Variants in ABCD3 observed in about 807,000 individuals in gnomAD.
ABCD3 encodes ATP binding cassette subfamily D member 3.
ABCD3 carries 41 observed loss-of-function variants against 105.5 expected under a neutral mutation model. The ratio of observed to expected loss-of-function variants is 0.39; its 90% CI spans 0.30 to 0.50. The LOEUF is 0.50. Ranked by LOEUF, ABCD3 falls within the 20% of genes least tolerant of loss-of-function variation. The probability of loss-of-function intolerance (pLI) is 0.84; values close to 1 mark genes in which losing one functional copy is unlikely to be tolerated. For missense variants in ABCD3, 622 were observed against 806.3 expected, an observed-to-expected ratio of 0.77 and a Z score of 2.77; for synonymous variants, 258 against 269.0, an observed-to-expected ratio of 0.96 and a Z score of 0.40.
chr1:94,445,348 T>C (rs1660307065), intron 1 of ABCD3, among the ~76,000 whole-genome samples: 1 of 151,898 alleles, frequency 6.6e-6, no homozygotes, highest in African/African-American at 2.4e-5. Context: ...GTCGCTGGAG[T>C]GATGGTTGGA....
At chr1:94,508,659 T>C (rs946720558) in intron 21 of ABCD3, among the ~76,000 whole-genome samples, 1 of 149,930 alleles carries the variant, frequency 6.7e-6, no homozygotes, top group South Asian at 2.1e-4. Context: ...GTATCCTCTT[T>C]TATTTCCTTG....
intron 1 of ABCD3, among the ~76,000 whole-genome samples, chr1:94,425,948 C>T (rs1466633710): frequency 6.6e-6 from 1 of 152,138 alleles, no homozygotes; most frequent in Non-Finnish European, 1.5e-5. Context: ...CTCTTTGAAC[C>T]TCAGTAGAAC....
the ABCD3 span, among the ~76,000 whole-genome samples, chr1:94,396,150 A>G: frequency 2.0e-5 from 3 of 152,180 alleles, no homozygotes; most frequent in African/African-American, 4.8e-5. Flanking sequence ...ATAGATTCCA[A>G]TAGAACCCCA....
At chr1:94,468,112 A>T (rs765281388) in intron 4 of ABCD3, 105 bp downstream of exon 4, 8 of 854,740 alleles carry the variant, frequency 9.4e-6, no homozygotes, top group Non-Finnish European at 1.6e-5. Flanking sequence ...TAGGTAAAAG[A>T]TAACCCAAGT....
At chr1:94,501,384 T>C (rs571853702) in intron 20 of ABCD3, among the ~76,000 whole-genome samples, 9 of 152,084 alleles carry the variant, frequency 5.9e-5, no homozygotes, top group Non-Finnish European at 1.0e-4. Context: ...GTCTAGAGAA[T>C]TGAATGTGAT....
Position 94,428,069 on chromosome 1 carries a change from G to GTT in ABCD3, c.110+9484_110+9485dup, listed in dbSNP as rs199615252. On this transcript the variant is annotated intron_variant, in intron 1 of 22. Transcript: ENST00000370214. Reference sequence around the variant, plus strand: ...GTAAAATAGGAGTATGCTAAAAGGTGTTTTGTTTTTTTTTTTATTTTTTAT... The same window carrying GTT: ...GTAAAATAGGAGTATGCTAAAAGGTGTTTTTTGTTTTTTTTTTTATTTTTTAT... Among the ~76,000 whole-genome samples, 224 of 145,622 alleles carry GTT rather than the reference G, an allele frequency of 1.5e-3. 2 individuals are homozygous for GTT. Among genetic ancestry groups the GTT allele is most frequent in the East Asian group, 6.3e-3 (30 of 4,758 alleles).
chr1:94,423,451 T>A (rs1659342136), intron 1 of ABCD3, among the ~76,000 whole-genome samples: 1 of 152,142 alleles, frequency 6.6e-6, no homozygotes, highest in African/African-American at 2.4e-5. Flanking sequence ...TCAGGGAGCT[T>A]GTGTTTCTTT....
At chr1:94,453,749 ATTTT>A (rs1647388760) in intron 1 of ABCD3, among the ~76,000 whole-genome samples, 1 of 99,288 alleles carries the variant, frequency 1.0e-5, no homozygotes, top group African/African-American at 3.8e-5. Flanking sequence ...CATTTTTTTT[ATTTT>A]TTGTGTTTTT....
In ABCD3 at chr1:94,475,240, A is replaced by G. The variant is rs1648680509; in HGVS notation, c.503A>G (p.Gln168Arg). ...LTKYLYEEYL[Q>R]AFTYYKMGNL... ...AAATACCTCTATGAGGAGTATCTTC[A>G]GTAAGTGATAACCTATTTTTATATT... is the stretch of plus-strand genomic sequence containing the variant. The change falls in exon 6 of 23, where the codon CAA becomes CGA. Residue 168 changes from glutamine to arginine, a missense_variant and splice_region_variant. This residue lies in a region of ABCD3 where 245 missense variants were observed against 356.4 expected (regional missense o/e 0.69). Transcript: ENST00000370214. 5.2e-6 allele frequency: 8 copies of G among 1,536,946 alleles called. No individual in the cohort carries two copies. The highest frequency in any genetic ancestry group is 6.2e-6 in the Non-Finnish European group (7 of 1,121,590).
chr1:94,478,357 A>G, intron 8 of ABCD3, 42 bp downstream of exon 8: 1 of 1,425,936 alleles, frequency 7.0e-7, no homozygotes. Context: ...GATATAATAT[A>G]ATATTTGAAA....
chr1:94,462,101 A>G (rs1399826710), intron 2 of ABCD3, among the ~76,000 whole-genome samples: 1 of 152,038 alleles, frequency 6.6e-6, no homozygotes, highest in Non-Finnish European at 1.5e-5. Flanking sequence ...CCTTTGTTGC[A>G]TTATTACTTC....
At chr1:94,464,244 G>C (rs966384030) in intron 2 of ABCD3, among the ~76,000 whole-genome samples, 2 of 152,062 alleles carry the variant, frequency 1.3e-5, no homozygotes, top group South Asian at 4.1e-4. Flanking sequence ...TTGACAGACT[G>C]TATATTGGAA....
intron 22 of ABCD3, among the ~76,000 whole-genome samples, chr1:94,515,793 G>A (rs1650888581): frequency 1.3e-5 from 2 of 151,644 alleles, no homozygotes; most frequent in African/African-American, 4.8e-5. Flanking sequence ...AGTAAACCCA[G>A]TTTAATTCTC....
chr1:94,453,020 TGGCCTTCCAAAGTGCTC>T (rs1423456866), intron 1 of ABCD3, among the ~76,000 whole-genome samples: 3 of 152,146 alleles, frequency 2.0e-5, no homozygotes, highest in Non-Finnish European at 2.9e-5. Flanking sequence ...TCCACCCGTC[TGGCCTTCCAAAGTGCTC>T]GGCCTTCCAA....
intron 4 of ABCD3, among the ~76,000 whole-genome samples, chr1:94,468,483 A>G (rs1389822876): frequency 6.6e-6 from 1 of 152,194 alleles, no homozygotes; most frequent in African/African-American, 2.4e-5. Context: ...ATATTTTTTC[A>G]TTATAGTCTT....
intron 1 of ABCD3, among the ~76,000 whole-genome samples, chr1:94,446,511 G>T (rs1456083197): frequency 6.6e-6 from 1 of 152,240 alleles, no homozygotes; most frequent in Non-Finnish European, 1.5e-5. Flanking sequence ...AGCAGAGCCA[G>T]GAGAGCGCAT....
At chr1:94,420,057 T>G (rs183923965) in intron 1 of ABCD3, among the ~76,000 whole-genome samples, 36 of 152,328 alleles carry the variant, frequency 2.4e-4, no homozygotes, top group African/African-American at 8.7e-4. Flanking sequence ...TGTTTTAATA[T>G]GGAGGAGGGG....
intron 2 of ABCD3, among the ~76,000 whole-genome samples, chr1:94,462,169 CTT>C (rs754613752): frequency 1.4e-4 from 21 of 152,026 alleles, no homozygotes; most frequent in Non-Finnish European, 2.8e-4. Context: ...TCATGTTAAA[CTT>C]ATATCACCAC....
chr1:94,514,184 G>A (rs968000391), intron 21 of ABCD3: 1 of 152,042 alleles, frequency 6.6e-6, no homozygotes, highest in African/African-American at 2.4e-5. Flanking sequence ...CCCAGAGTGG[G>A]GTTTCTCAGT....
Sources: gnomAD v4.1 joint callset for allele counts (sites outside exome capture counted in the v4.1 genomes callset) on GRCh38, gnomAD v4.1.1 for gene constraint, gnomAD v4.1.1 regional missense constraint, MANE v1.5 for transcripts, NCBI Gene and HGNC (gene_info 2026-07-23, HGNC 2026-07-21) for gene names.